NBEA: variants seen among roughly 807,000 people sequenced by gnomAD.
NBEA encodes neurobeachin.
NBEA carries 44 observed loss-of-function variants against 343.4 expected under a neutral mutation model. The observed-to-expected ratio is 0.13, with a 90% CI of 0.10 to 0.16. The LOEUF (loss-of-function observed/expected upper bound fraction) is 0.16. Ranked by LOEUF, NBEA falls within the 10% of genes least tolerant of loss-of-function variation. The probability of loss-of-function intolerance (pLI) is 1.00; values close to 1 mark genes in which losing one functional copy is unlikely to be tolerated. For missense variants in NBEA, 2,555 were observed against 3,631.3 expected, an observed-to-expected ratio of 0.70 and a Z score of 7.62; for synonymous variants, 1,175 against 1,238.7, an observed-to-expected ratio of 0.95 and a Z score of 1.08.
chr13:35,484,260 GTGTGTGTGTGTGTGTATA>G (rs970040209), intron 41 of NBEA, among the ~76,000 whole-genome samples: 6 of 135,626 alleles, frequency 4.4e-5, no homozygotes, highest in African/African-American at 1.7e-4. Flanking sequence ...GTGTGTGTGT[GTGTGTGTGTGTGTGTATA>G]TATATATATA....
intron 35 of NBEA, among the ~76,000 whole-genome samples, chr13:35,293,754 T>TA (rs2035944070): frequency 2.0e-5 from 3 of 152,008 alleles, no homozygotes; most frequent in Non-Finnish European, 4.4e-5. Flanking sequence ...TCCTAATTAC[T>TA]TCCAGATTTT....
chr13:34,990,270 C>T (rs1294481092), intron 1 of NBEA, among the ~76,000 whole-genome samples: 1 of 151,238 alleles, frequency 6.6e-6, no homozygotes, highest in Non-Finnish European at 1.5e-5. Context: ...TTCCCCTTCA[C>T]ACTGCTTAGT....
At chr13:35,445,792 A>ATATATG (rs1555267108) in intron 39 of NBEA, among the ~76,000 whole-genome samples, 1 of 78,224 alleles carries the variant, frequency 1.3e-5, no homozygotes, top group East Asian at 5.5e-4. Flanking sequence ...TTATATATAT[A>ATATATG]TATATATATA....
intron 1 of NBEA, among the ~76,000 whole-genome samples, chr13:34,961,928 A>G (rs2059673095): frequency 6.6e-6 from 1 of 152,062 alleles, no homozygotes; most frequent in Admixed American, 6.6e-5. Context: ...TAAAATGCAC[A>G]CTTAATTTTG....
intron 38 of NBEA, among the ~76,000 whole-genome samples, chr13:35,414,395 G>A (rs536908832): frequency 6.9e-6 from 1 of 144,970 alleles, no homozygotes; most frequent in Non-Finnish European, 1.5e-5. Flanking sequence ...CCCACCTCAC[G>A]ACAGGCCCCA....
chr13:35,190,602 G>T (rs1448138989), intron 30 of NBEA, among the ~76,000 whole-genome samples: 1 of 152,238 alleles, frequency 6.6e-6, no homozygotes, highest in East Asian at 1.9e-4. Flanking sequence ...ATGGAAAACA[G>T]ATTTTACAGA....
chr13:35,451,981 T>A, intron 39 of NBEA, 111 bp from the exon 40 acceptor site: 1 of 785,806 alleles, frequency 1.3e-6, no homozygotes, highest in Non-Finnish European at 2.0e-6. Flanking sequence ...AATTGTAAAG[T>A]AATATGTAAA....
chr13:35,325,514 C>A (rs186802021), intron 36 of NBEA, among the ~76,000 whole-genome samples: 1 of 151,778 alleles, frequency 6.6e-6, no homozygotes, highest in Non-Finnish European at 1.5e-5. Flanking sequence ...TATGAGATAT[C>A]GTAATACTGA....
Position 35,627,257 on chromosome 13 carries a change from G to A in NBEA, c.7450-824G>A, listed in dbSNP as rs544467669. 6.6e-5 allele frequency among the ~76,000 whole-genome samples: 10 copies of A among 152,198 alleles called. No individual in the cohort carries two copies. In the East Asian group the frequency reaches 1.9e-3, roughly 29 times the overall value. On this transcript the variant is annotated intron_variant, in intron 48 of 58. Coordinates refer to ENST00000379939, the MANE Select transcript of NBEA (RefSeq NM_001385012.1). ...AGCTAGATGTACAGCTCTTTTCCATGTTGTTGAAATCAGTGTCCTCTTTAA... is the reference window on the plus strand; with the variant it reads ...AGCTAGATGTACAGCTCTTTTCCATATTGTTGAAATCAGTGTCCTCTTTAA...
At chr13:35,524,355 A>T in intron 41 of NBEA, among the ~76,000 whole-genome samples, 1 of 152,242 alleles carries the variant, frequency 6.6e-6, no homozygotes, top group East Asian at 1.9e-4. Context: ...CTGAGTGAGG[A>T]TAGGAGCTCG....
intron 1 of NBEA, among the ~76,000 whole-genome samples, chr13:35,017,183 TA>T (rs1192464611): frequency 3.9e-5 from 6 of 152,190 alleles, no homozygotes; most frequent in Admixed American, 6.5e-5. Flanking sequence ...GTGACACAGT[TA>T]TTTTTTTTTA....
chr13:35,548,743 A>T (rs1461769895), intron 41 of NBEA, among the ~76,000 whole-genome samples: 1 of 152,148 alleles, frequency 6.6e-6, no homozygotes, highest in Admixed American at 6.5e-5. Context: ...TTTCCTTTTT[A>T]AAAATCATAC....
chr13:35,043,479 A>G (rs1408495324), intron 2 of NBEA, among the ~76,000 whole-genome samples: 1 of 151,936 alleles, frequency 6.6e-6, no homozygotes, highest in Non-Finnish European at 1.5e-5. Context: ...GCAACATTAA[A>G]TGGACTAAGA....
chr13:35,115,586 T>G (rs2066454160), intron 13 of NBEA, among the ~76,000 whole-genome samples: 1 of 152,184 alleles, frequency 6.6e-6, no homozygotes, highest in Non-Finnish European at 1.5e-5. Context: ...ATAGTTTACA[T>G]AAATAGTATT....
intron 39 of NBEA, among the ~76,000 whole-genome samples, chr13:35,432,699 C>T (rs746825698): frequency 2.1e-4 from 32 of 151,874 alleles, no homozygotes; most frequent in Non-Finnish European, 5.9e-5. Context: ...ATTTCTTTCT[C>T]GGTGTCTTTC....
intron 1 of NBEA, among the ~76,000 whole-genome samples, chr13:34,996,233 C>A (rs1252715617): frequency 1.3e-5 from 2 of 151,980 alleles, no homozygotes; most frequent in Non-Finnish European, 2.9e-5. Context: ...GAAAAGCAAT[C>A]CTGAATAATT....
chr13:35,214,425 G>T (rs1334819378), intron 33 of NBEA, among the ~76,000 whole-genome samples: 1 of 151,720 alleles, frequency 6.6e-6, no homozygotes, highest in Non-Finnish European at 1.5e-5. Context: ...GTCTTTTTAA[G>T]ACTTTATAAT....
At chr13:35,472,002 G>C (rs2075672300) in intron 40 of NBEA, among the ~76,000 whole-genome samples, 1 of 152,102 alleles carries the variant, frequency 6.6e-6, no homozygotes, top group Non-Finnish European at 1.5e-5. Flanking sequence ...GAACGGCTTC[G>C]CGCGATGGCT....
intron 1 of NBEA, among the ~76,000 whole-genome samples, chr13:34,973,373 C>G (rs370059653): frequency 6.6e-6 from 1 of 151,428 alleles, no homozygotes; most frequent in African/African-American, 2.4e-5. Context: ...GGCTTGGGCT[C>G]TCTAAAACCT....
Sources: gnomAD v4.1 joint callset for allele counts (sites outside exome capture counted in the v4.1 genomes callset) on GRCh38, gnomAD v4.1.1 for gene constraint, MANE v1.5 for transcripts, NCBI Gene and HGNC (gene_info 2026-07-23, HGNC 2026-07-21) for gene names.